Variants in UAP1L1 observed in about 807,000 individuals in gnomAD.
UAP1L1 encodes the protein UDP-N-acetylglucosamine pyrophosphorylase 1 like 1.
A neutral mutation model predicts 45.3 loss-of-function variants in UAP1L1; 45 were observed. The ratio of observed to expected loss-of-function variants is 0.99; its 90% CI spans 0.78 to 1.27. The LOEUF is 1.27. Among genes scored for constraint, UAP1L1 ranks in the 50% most tolerant of loss-of-function variants. The pLI is 0.00. For missense variants in UAP1L1, 667 were observed against 694.0 expected (o/e 0.96, Z 0.44); for synonymous variants, 323 against 303.9 (o/e 1.06, Z -0.65).
chr9:137,079,526 G>A (rs1033243309), intron 5 of UAP1L1, 77 bp downstream of exon 5: 2 of 1,421,180 alleles, frequency 1.4e-6, no homozygotes, highest in Non-Finnish European at 1.9e-6. Flanking sequence ...GTCCCAGTGA[G>A]CTGAGTGCCC....
At chr9:137,079,192 C>G (rs751273487) in intron 4 of UAP1L1, 44 bp downstream of exon 4, 62 of 1,590,532 alleles carry the variant, frequency 3.9e-5, no homozygotes, top group Non-Finnish European at 5.2e-5. Flanking sequence ...AGGCTGGCCC[C>G]GCCCCTCACG....
intron 5 of UAP1L1, chr9:137,079,795 C>A: frequency 1.6e-6 from 1 of 642,152 alleles, no homozygotes; most frequent in South Asian, 2.0e-5. Flanking sequence ...GCTGATGGTG[C>A]CTGGCACTTG....
chr9:137,080,927 C>T, intron 7 of UAP1L1, 53 bp downstream of exon 7: 2 of 1,461,510 alleles, frequency 1.4e-6, no homozygotes, highest in South Asian at 2.7e-5. Flanking sequence ...TGTCAGGACC[C>T]AATCTTCAGC....
chr9:137,082,681 C>T lies in UAP1L1; in HGVS notation c.1476C>T (p.Leu492=), dbSNP rs868120803. The part of the protein sequence containing the change: ...YLQGREFQSP[L]ILDEDQAREP... ...AAGGCCGGGAGTTCCAGTCCCCGCT[C>T]ATCCTGGATGAAGACCAGGCCAGGG... The change falls in exon 9 of 9, where the codon CTC becomes CTT. Residue 492 remains leucine, a synonymous_variant. Transcript: ENST00000409858. This position sits in a 1 kb window ranked among gnomAD's most constrained non-coding sequence, Gnocchi z 5.7. 3 of 1,552,150 alleles carry T rather than the reference C, an allele frequency of 1.9e-6. No individual in the cohort carries two copies. The highest frequency in any genetic ancestry group is 2.4e-5 in the East Asian group (1 of 41,026).
Position 137,082,181 on chromosome 9 carries a change from G to T in UAP1L1, c.1431+117G>T. ...AGCTCTACCTCGGTTAACCAATGGG[G>T]TCGGTGGTTTAAATTTGCAGAAGAC... is the stretch of plus-strand genomic sequence containing the variant. On this transcript the variant is annotated intron_variant, in intron 8 of 8. Coordinates refer to ENST00000409858, the MANE Select transcript of UAP1L1 (RefSeq NM_207309.3). This position sits in a 1 kb window ranked among gnomAD's most constrained non-coding sequence, Gnocchi z 5.7. 1 of 1,030,256 alleles carries T rather than the reference G, an allele frequency of 9.7e-7. No homozygotes were observed. Among genetic ancestry groups the T allele is most frequent in the Non-Finnish European group, 1.5e-6 (1 of 657,078 alleles). 63.8% of individuals were successfully genotyped at this position (1,030,256 alleles called of 1,614,324 possible).
chr9:137,081,923 A>C (rs567247113), intron 7 of UAP1L1, 75 bp from the exon 8 acceptor site: 1 of 1,384,336 alleles, frequency 7.2e-7, no homozygotes. Context: ...TCAGTCTCCT[A>C]TCGGGACTGG....
At position 137,082,238 on chromosome 9, in the gene UAP1L1, C is replaced by A; in HGVS notation, c.1431+174C>A. The A allele has an allele frequency of 1.5e-6, 1 of 672,058 alleles. No individual in the cohort carries two copies. Among genetic ancestry groups the A allele is most frequent in the Non-Finnish European group, 2.6e-6 (1 of 380,890 alleles). The allele number at this position is 672,058 out of a possible 1,614,324, so 41.6% of individuals were successfully genotyped here. ...AGATATGGGTTGGGGTGGGGTGAGG[C>A]ATCCAGAGGCCTTTGCAGGTCCTGG... On this transcript the variant is annotated intron_variant, in intron 8 of 8. Transcript: ENST00000409858. The surrounding 1 kb of genome is among the most constrained non-coding windows in gnomAD (Gnocchi z 5.7).
In UAP1L1 at chr9:137,078,004, G is replaced by A. The variant is rs1470697540; in HGVS notation, c.290-46G>A. ...AGAGTTGGTTTCCCCTAAAGCGGAAGGGTGGGCGGGTCCCGGGCGTCCCTT... is the reference window on the plus strand; with the variant it reads ...AGAGTTGGTTTCCCCTAAAGCGGAAAGGTGGGCGGGTCCCGGGCGTCCCTT... On this transcript the variant is annotated intron_variant, in intron 1 of 8. Transcript: ENST00000409858. 8.4e-6 allele frequency: 13 copies of A among 1,541,032 alleles called. No individual in the cohort carries two copies. The Admixed American group carries it at 2.2e-4, about 26-fold the overall frequency.
At chr9:137,081,236 G>T (rs1040256848) in intron 7 of UAP1L1, among the ~76,000 whole-genome samples, 1 of 151,756 alleles carries the variant, frequency 6.6e-6, no homozygotes, top group Non-Finnish European at 1.5e-5. Context: ...GTCTCGCTCT[G>T]TCGCCCAGGC....
At chr9:137,079,827 G>A in intron 5 of UAP1L1, 175 bp from the exon 6 acceptor site, 1 of 719,638 alleles carries the variant, frequency 1.4e-6, no homozygotes, top group Admixed American at 2.8e-5. Context: ...CAGGGAGGAG[G>A]CCTGTGCCTG....
Position 137,082,638 on chromosome 9 carries a change from G to T in UAP1L1, c.1433G>T (p.Gly478Val). The change falls in exon 9 of 9, where the codon GGT becomes GTT. Residue 478 changes from glycine (G) to valine (V), a missense_variant and splice_region_variant. Gly to Val is a moderately radical substitution (Grantham distance 109). Transcript: ENST00000409858. The surrounding 1 kb of genome is among the most constrained non-coding windows in gnomAD (Gnocchi z 5.7). ...ISPLVSYSGE[G>V]LEVYLQGREF... ...CCATTGTCCCCTGCTCGTCTCCAGGGTTTAGAAGTGTACCTGCAAGGCCGG... is the reference window on the plus strand; with the variant it reads ...CCATTGTCCCCTGCTCGTCTCCAGGTTTTAGAAGTGTACCTGCAAGGCCGG... 1 of 1,551,832 alleles carries T rather than the reference G, an allele frequency of 6.4e-7. No homozygotes were observed. The highest frequency in any genetic ancestry group is 1.2e-5 in the South Asian group (1 of 84,080).
Position 137,079,237 on chromosome 9 carries a change from T to G in UAP1L1, c.844-19T>G. On this transcript the variant is annotated intron_variant, in intron 4 of 8. Transcript: ENST00000409858. ...CCCTCCGCCCAGCCCTCGGAACCCA[T>G]CCCTGGTCTTGGCTGCAGGTGGTGG... 7 of 1,535,890 alleles carry G rather than the reference T, an allele frequency of 4.6e-6. No individual in the cohort carries two copies. The highest frequency in any genetic ancestry group is 6.2e-6 in the Non-Finnish European group (7 of 1,127,588).
At chr9:137,079,229 G>A (rs746237308) in intron 4 of UAP1L1, 27 bp from the exon 5 acceptor site, 1 of 1,601,298 alleles carries the variant, frequency 6.2e-7, no homozygotes, top group African/African-American at 1.3e-5. Flanking sequence ...CCCAGCCCTC[G>A]GAACCCATCC....
chr9:137,080,682 C>T lies in UAP1L1; in HGVS notation c.1179-7C>T. 6.2e-7 allele frequency: 1 copy of T among 1,606,636 alleles called. No individual in the cohort carries two copies. The highest frequency in any genetic ancestry group is 8.5e-7 in the Non-Finnish European group (1 of 1,176,584). On this transcript the variant is annotated splice_polypyrimidine_tract_variant and splice_region_variant and intron_variant, in intron 6 of 8. Transcript: ENST00000409858. Reference sequence around the variant, plus strand: ...GGGACGTGGGTGACTAGCCCTTTCCCCACCAGGAACTTTGCTGCCTTGGAA... The same window carrying T: ...GGGACGTGGGTGACTAGCCCTTTCCTCACCAGGAACTTTGCTGCCTTGGAA...
At chr9:137,080,626 T>C in intron 6 of UAP1L1, 63 bp from the exon 7 acceptor site, 1 of 1,516,686 alleles carries the variant, frequency 6.6e-7, no homozygotes, top group South Asian at 1.3e-5. Context: ...CTGGCCCAGC[T>C]CTCACCTGCC....
In UAP1L1 at chr9:137,080,613, A is replaced by G. The variant is rs1177357991; in HGVS notation, c.1179-76A>G. The G allele has an allele frequency of 3.5e-6, 5 of 1,435,760 alleles. No homozygotes were observed. The Admixed American group carries it at 1.0e-4, about 29-fold the overall frequency. The allele number at this position is 1,435,760 out of a possible 1,614,324, so 88.9% of individuals were successfully genotyped here. A position where few individuals can be genotyped will look rare whatever the true frequency, so the allele number is the denominator to read the frequency against. On this transcript the variant is annotated intron_variant, in intron 6 of 8. Transcript: ENST00000409858. ...ACCAGACCTTCACTCTGTCACTGGA[A>G]ACCTGGCCCAGCTCTCACCTGCCCG... is the stretch of plus-strand genomic sequence containing the variant.
Position 137,082,815 on chromosome 9 carries a change from C to T in UAP1L1, c.*86C>T, listed in dbSNP as rs1383752786. On this transcript the variant is annotated 3_prime_UTR_variant, in exon 9 of 9. Coordinates refer to ENST00000409858, the MANE Select transcript of UAP1L1 (RefSeq NM_207309.3). The surrounding 1 kb of genome is among the most constrained non-coding windows in gnomAD (Gnocchi z 5.7). Reference sequence around the variant, plus strand: ...CGACTCCCCCCAGACCTGCCAGCCCCGGCGTCCTGGAGCTGGGGGCTACAG... The same window carrying T: ...CGACTCCCCCCAGACCTGCCAGCCCTGGCGTCCTGGAGCTGGGGGCTACAG... 13 of 1,182,314 alleles carry T rather than the reference C, an allele frequency of 1.1e-5. No individual in the cohort carries two copies. Among genetic ancestry groups the T allele is most frequent in the Admixed American group, 4.2e-5 (2 of 47,870 alleles). 73.2% of individuals were successfully genotyped at this position (1,182,314 alleles called of 1,614,324 possible). A position where few individuals can be genotyped will look rare whatever the true frequency, so the allele number is the denominator to read the frequency against.
In UAP1L1 at chr9:137,082,342, A is replaced by G. The variant is rs900623730; in HGVS notation, c.1431+278A>G. The G allele has an allele frequency of 3.3e-6, 2 of 598,722 alleles. No homozygotes were observed. The highest frequency in any genetic ancestry group is 5.9e-6 in the Non-Finnish European group (2 of 337,474). 37.1% of individuals were successfully genotyped at this position (598,722 alleles called of 1,614,324 possible). A position where few individuals can be genotyped will look rare whatever the true frequency, so the allele number is the denominator to read the frequency against. ...GCCTTGGTGGGGGCCTTGCGGAGGGAGGACACCGGCCTCTGCTACCTCCCT... is the reference window on the plus strand; with the variant it reads ...GCCTTGGTGGGGGCCTTGCGGAGGGGGGACACCGGCCTCTGCTACCTCCCT... On this transcript the variant is annotated intron_variant, in intron 8 of 8. Coordinates refer to ENST00000409858, the MANE Select transcript of UAP1L1 (RefSeq NM_207309.3). This position sits in a 1 kb window ranked among gnomAD's most constrained non-coding sequence, Gnocchi z 5.7.
At chr9:137,081,053 C>T (rs998059978) in intron 7 of UAP1L1, among the ~76,000 whole-genome samples, 179 bp downstream of exon 7, 9 of 152,192 alleles carry the variant, frequency 5.9e-5, no homozygotes, top group Non-Finnish European at 1.0e-4. Context: ...CGGTGACTGT[C>T]GGCACAGCCT....
Sources: gnomAD v4.1 joint callset for allele counts (sites outside exome capture counted in the v4.1 genomes callset) on GRCh38, gnomAD v4.1.1 for gene constraint, Gnocchi (gnomAD v3.1) non-coding constraint, MANE v1.5 for transcripts, NCBI Gene and HGNC (gene_info 2026-07-23, HGNC 2026-07-21) for gene names.